RUVBL2: variants seen among roughly 807,000 people sequenced by gnomAD.
RUVBL2 encodes ruvB-like 2.
In RUVBL2, 9 loss-of-function variants were observed where a neutral mutation model predicts 57.9. The ratio of observed to expected loss-of-function variants is 0.16; its 90% CI spans 0.09 to 0.27. RUVBL2 has a LOEUF of 0.27. Ranked by LOEUF, RUVBL2 falls within the 10% of genes least tolerant of loss-of-function variation. The pLI, the probability that RUVBL2 is intolerant of heterozygous loss-of-function variation, is 1.00. For synonymous variants in RUVBL2, 278 were observed against 264.6 expected, an observed-to-expected ratio of 1.05 and a Z score of -0.49; for missense variants, 456 against 669.6, an observed-to-expected ratio of 0.68 and a Z score of 3.52.
At position 49,013,993 on chromosome 19, in the gene RUVBL2, A is replaced by G. The variant is rs570999891; in HGVS notation, c.1002-491A>G. On this transcript the variant is annotated intron_variant, in intron 11 of 14. Transcript: ENST00000595090. ...ATTATATATATATGGATTGATGAAA[A>G]TACTGTAAGCCGAGGCTCGAGAGAG... 4.6e-5 allele frequency among the ~76,000 whole-genome samples: 7 copies of G among 152,366 alleles called. No homozygotes were observed. The South Asian group carries it at 1.4e-3, about 32-fold the overall frequency.
chr19:49,009,833 C>T lies in RUVBL2; in HGVS notation c.520C>T (p.Leu174=), dbSNP rs370230953. 8 of 1,614,112 alleles carry T rather than the reference C, an allele frequency of 5.0e-6. No individual in the cohort carries two copies. Among genetic ancestry groups the T allele is most frequent in the Non-Finnish European group, 6.8e-6 (8 of 1,180,004 alleles). The change falls in exon 7 of 15, where the codon CTG becomes TTG. Residue 174 remains leucine, a synonymous_variant. Transcript: ENST00000595090. ...CACAGAGATGGAGACCATCTACGAC[C>T]TGGGCACCAAGATGATTGAGTCCCT... ...KTTEMETIYD[L]GTKMIESLTK... is the part of the protein sequence containing the mutation.
chr19:48,998,256 G>A (rs983537100), intron 1 of RUVBL2, among the ~76,000 whole-genome samples: 1 of 152,230 alleles, frequency 6.6e-6, no homozygotes, highest in Non-Finnish European at 1.5e-5. Context: ...GGACTCAGGG[G>A]CCAGCATGTG....
At chr19:48,995,326 T>A (rs2039035253) in intron 1 of RUVBL2, among the ~76,000 whole-genome samples, 1 of 150,884 alleles carries the variant, frequency 6.6e-6, no homozygotes, top group Non-Finnish European at 1.5e-5. Context: ...CCTGGATTCA[T>A]GTCTTTTTTG....
At chr19:49,009,234 A>G (rs575258302) in intron 6 of RUVBL2, among the ~76,000 whole-genome samples, 93 of 147,938 alleles carry the variant, frequency 6.3e-4, no homozygotes, top group African/African-American at 2.2e-3. Flanking sequence ...CACTCCTGTA[A>G]TCCCAGCACT....
At chr19:49,002,391 G>A (rs2039202029) in intron 2 of RUVBL2, among the ~76,000 whole-genome samples, 1 of 151,980 alleles carries the variant, frequency 6.6e-6, no homozygotes, top group Non-Finnish European at 1.5e-5. Context: ...CTGGCCTCCA[G>A]GCTGAGGTTT....
chr19:48,999,236 A>T (rs1166804065), intron 1 of RUVBL2, 83 bp from the exon 2 acceptor site: 5 of 1,437,508 alleles, frequency 3.5e-6, no homozygotes, highest in Non-Finnish European at 4.9e-6. Context: ...AGTGGAAAGG[A>T]CCATCTCATG....
At chr19:48,994,062 A>T in intron 1 of RUVBL2, 139 bp downstream of exon 1, 1 of 605,316 alleles carries the variant, frequency 1.7e-6, no homozygotes. Context: ...AAGAGGAGGA[A>T]GCTCGGCCAC....
At chr19:48,993,529 C>A, upstream of RUVBL2, 1 of 443,300 alleles carries the variant, frequency 2.3e-6, no homozygotes, top group Non-Finnish European at 4.2e-6. Context: ...TGGCCTTCAG[C>A]TCTGTCAATC....
At position 49,011,181 on chromosome 19, in the gene RUVBL2, C is replaced by G. The variant is rs753502516; in HGVS notation, c.883-11C>G. The G allele has an allele frequency of 1.2e-6, 2 of 1,613,144 alleles. No homozygotes were observed. Among genetic ancestry groups the G allele is most frequent in the East Asian group, 4.5e-5 (2 of 44,870 alleles). ...CGCGGGTGGTGACTCTCACACACAC[C>G]CCAATCCAAGGTGCTGTTCATCGAC... On this transcript the variant is annotated splice_polypyrimidine_tract_variant and intron_variant, in intron 10 of 14. Coordinates refer to ENST00000595090, the MANE Select transcript of RUVBL2 (RefSeq NM_006666.3). The surrounding 1 kb of genome is among the most constrained non-coding windows in gnomAD (Gnocchi z 4.4).
In RUVBL2 at chr19:49,000,988, C is replaced by T. The variant is rs375420351; in HGVS notation, c.67+1615C>T. ...CCTGAGTCACATAGTGTGATCCTGT[C>T]TCTAAAAAAAAAATAAAAAAATTAG... On this transcript the variant is annotated intron_variant, in intron 2 of 14. Coordinates refer to ENST00000595090, the MANE Select transcript of RUVBL2 (RefSeq NM_006666.3). Among the ~76,000 whole-genome samples the T allele has an allele frequency of 5.3e-5, 8 of 151,180 alleles. No individual in the cohort carries two copies. In the East Asian group the frequency reaches 1.2e-3, roughly 22 times the overall value.
chr19:49,010,284 C>T, intron 8 of RUVBL2: 1 of 678,544 alleles, frequency 1.5e-6, no homozygotes, highest in Non-Finnish European at 2.5e-6. Context: ...CTAAGGTCCT[C>T]CGGGAGCCCC....
At position 49,011,127 on chromosome 19, in the gene RUVBL2, G is replaced by A. The variant is rs535003323; in HGVS notation, c.882+34G>A. On this transcript the variant is annotated intron_variant, in intron 10 of 14. Transcript: ENST00000595090. The surrounding 1 kb of genome is among the most constrained non-coding windows in gnomAD (Gnocchi z 4.4). ...CCAGGACATGGCCGGGGCGGGTGGT[G>A]GGGTGGAGGTGGGCCGGGGAAGTGG... 1,384 of 1,607,822 alleles carry A rather than the reference G, an allele frequency of 8.6e-4. 23 individuals carry two copies. In the South Asian group the frequency reaches 0.014, roughly 17 times the overall value.
At chr19:48,999,896 G>A (rs1300901943) in intron 2 of RUVBL2, among the ~76,000 whole-genome samples, 1 of 152,178 alleles carries the variant, frequency 6.6e-6, no homozygotes, top group African/African-American at 2.4e-5. Context: ...ACTGGCCCCG[G>A]CTCACACAGA....
intron 2 of RUVBL2, among the ~76,000 whole-genome samples, chr19:48,999,675 C>G (rs547854316): frequency 6.6e-6 from 1 of 152,142 alleles, no homozygotes; most frequent in East Asian, 1.9e-4. Context: ...CCTCGTATAC[C>G]CAGTACACAC....
intron 12 of RUVBL2, among the ~76,000 whole-genome samples, 160 bp from the exon 13 acceptor site, chr19:49,014,861 C>G (rs954834225): frequency 6.6e-6 from 1 of 152,322 alleles, no homozygotes; most frequent in African/African-American, 2.4e-5. Context: ...CCAGCCCAGC[C>G]CCTGTCTCCG....
rs1219169439 is a variant in RUVBL2, at chr19:49,010,526, A to G, written c.702A>G (p.Lys234=). The G allele has an allele frequency of 6.2e-7, 1 of 1,608,480 alleles. No individual in the cohort carries two copies. Among genetic ancestry groups the G allele is most frequent in the South Asian group, 1.1e-5 (1 of 90,940 alleles). The change falls in exon 9 of 15, where the codon AAA becomes AAG. Residue 234 remains lysine, a synonymous_variant. Transcript: ENST00000595090. ...FVQCPDGELQ[K]RKEVVHTVSL... ...AGTGCCCAGATGGGGAGCTCCAGAA[A>G]CGCAAGGAGGTGGTGCACACCGTGT... is the stretch of plus-strand genomic sequence containing the variant.
Position 49,004,273 on chromosome 19 carries a change from A to C in RUVBL2, c.124-4A>C. The C allele has an allele frequency of 6.2e-7, 1 of 1,610,876 alleles. No homozygotes were observed. Among genetic ancestry groups the C allele is most frequent in the Middle Eastern group, 1.8e-4 (1 of 5,476 alleles). ...ATCACCTCATGTGCGCCTCCCACCC[A>C]CAGGCTTCGCAAGGCATGGTGGGTC... On this transcript the variant is annotated splice_polypyrimidine_tract_variant and splice_region_variant and intron_variant, in intron 3 of 14. Transcript: ENST00000595090.
chr19:48,994,270 C>G (rs955554452), intron 1 of RUVBL2: 2 of 321,750 alleles, frequency 6.2e-6, no homozygotes, highest in Non-Finnish European at 1.2e-5. Context: ...CCTTGCGCTT[C>G]GAGCCATTTG....
rs1269338905 is a variant in RUVBL2, at chr19:49,011,468, T to A, written c.1001+158T>A. Among the ~76,000 whole-genome samples the A allele has an allele frequency of 6.6e-6, 1 of 152,190 alleles. No individual in the cohort carries two copies. The highest frequency in any genetic ancestry group is 1.5e-5 in the Non-Finnish European group (1 of 68,028). ...ACAAAAGGCGGGTGGGAGGCAGCTCTGCTTCCCGAGGAAGCCCAGAGACTG... is the reference window on the plus strand; with the variant it reads ...ACAAAAGGCGGGTGGGAGGCAGCTCAGCTTCCCGAGGAAGCCCAGAGACTG... On this transcript the variant is annotated intron_variant, in intron 11 of 14. Transcript: ENST00000595090. This position sits in a 1 kb window ranked among gnomAD's most constrained non-coding sequence, Gnocchi z 4.4.
Sources: allele counts gnomAD v4.1 joint callset (sites outside exome capture counted in the v4.1 genomes callset), GRCh38; gene constraint gnomAD v4.1.1; non-coding constraint Gnocchi (gnomAD v3.1); transcripts MANE v1.5; gene names NCBI Gene and HGNC (gene_info 2026-07-23, HGNC 2026-07-21).